The following RGS12 variants were observed in gnomAD, a reference collection of about 807,000 sequenced individuals.
RGS12 encodes regulator of G-protein signaling 12.
Under a neutral mutation model 120.1 loss-of-function variants are expected in RGS12, and 66 were observed. That is an observed-to-expected ratio of 0.55 (90% CI 0.45 to 0.67). The LOEUF (loss-of-function observed/expected upper bound fraction) is 0.67. RGS12 is among the 30% of genes least tolerant of loss of function. RGS12 has a pLI of 0.00. For missense variants in RGS12, 1,859 were observed against 1,957.7 expected (o/e 0.95, Z 0.95); for synonymous variants, 827 against 804.7 (o/e 1.03, Z -0.47).
the RGS12 span, among the ~76,000 whole-genome samples, chr4:3,286,745 C>T: frequency 6.6e-6 from 1 of 152,202 alleles, no homozygotes; most frequent in Non-Finnish European, 1.5e-5. Context: ...AACGTGTTCC[C>T]AGCACTTTGT....
At chr4:3,385,365 C>G (rs1718728751) in intron 3 of RGS12, 1 of 152,500 alleles carries the variant, frequency 6.6e-6, no homozygotes, top group South Asian at 2.1e-4. Flanking sequence ...ACGGGTTTGT[C>G]CAGCCTCTGG....
chr4:3,424,775 G>A (rs1418822296), intron 13 of RGS12, among the ~76,000 whole-genome samples: 1 of 152,182 alleles, frequency 6.6e-6, no homozygotes, highest in Non-Finnish European at 1.5e-5. Flanking sequence ...GAATTCTGTG[G>A]CCCCCTGTGT....
chr4:3,353,334 C>T (rs1010320249), intron 3 of RGS12, among the ~76,000 whole-genome samples: 7 of 152,148 alleles, frequency 4.6e-5, no homozygotes, highest in Admixed American at 6.5e-5. Flanking sequence ...GTGCACACTG[C>T]GTCCTGGGGG....
chr4:3,341,027 C>T lies in RGS12; in HGVS notation c.1882-1910C>T, dbSNP rs1171076653. ...ACTTTCAGGATGACAGCCTTAGAGCCTTCTCTCGGCCTGGTGGGGGCCCAG... is the reference window on the plus strand; with the variant it reads ...ACTTTCAGGATGACAGCCTTAGAGCTTTCTCTCGGCCTGGTGGGGGCCCAG... On this transcript the variant is annotated intron_variant, in intron 2 of 17. Transcript: ENST00000336727. Among the ~76,000 whole-genome samples the T allele has an allele frequency of 1.8e-4, 28 of 151,578 alleles. 1 individual carries two copies. The highest frequency in any genetic ancestry group is 4.4e-5 in the Non-Finnish European group (3 of 67,938).
intron 4 of RGS12, among the ~76,000 whole-genome samples, chr4:3,396,960 A>G (rs1236193862): frequency 2.0e-5 from 3 of 151,632 alleles, no homozygotes; most frequent in Admixed American, 2.0e-4. Context: ...GATCTTCAAT[A>G]TGTAGTTACT....
At chr4:3,308,033 G>A (rs902713156) in intron 1 of RGS12, among the ~76,000 whole-genome samples, 6 of 152,372 alleles carry the variant, frequency 3.9e-5, no homozygotes, top group Admixed American at 6.5e-5. Flanking sequence ...GTGTTTGTGC[G>A]ATTCTTGGAG....
rs112554141 is a variant in RGS12 at position 3,365,563 on chromosome 4, C to T, written c.1999-20853C>T. 8.2e-3 allele frequency among the ~76,000 whole-genome samples: 1,254 copies of T among 152,278 alleles called. 12 individuals are homozygous for T. Among genetic ancestry groups the T allele is most frequent in the Non-Finnish European group, 0.014 (949 of 68,016 alleles). On this transcript the variant is annotated intron_variant, in intron 3 of 17. Transcript: ENST00000336727. This position sits in a 1 kb window ranked among gnomAD's most constrained non-coding sequence, Gnocchi z 4.0. ...GTCCGACCTAAGCCTTAGTGTGAGTCGGACACGGCCTTCTTGGCTGTTGGG... is the reference window on the plus strand; with the variant it reads ...GTCCGACCTAAGCCTTAGTGTGAGTTGGACACGGCCTTCTTGGCTGTTGGG...
intron 3 of RGS12, among the ~76,000 whole-genome samples, chr4:3,363,979 A>G (rs1045433658): frequency 6.6e-6 from 1 of 152,192 alleles, no homozygotes; most frequent in East Asian, 1.9e-4. Flanking sequence ...GAGGCCGGGC[A>G]CTGGGAGTCT....
chr4:3,399,551 C>G (rs1389747319), intron 4 of RGS12, among the ~76,000 whole-genome samples: 1 of 152,194 alleles, frequency 6.6e-6, no homozygotes, highest in Non-Finnish European at 1.5e-5. Context: ...CACTATAGGA[C>G]AATTCCATTA....
chr4:3,380,204 C>T (rs536429936), intron 3 of RGS12, among the ~76,000 whole-genome samples: 23 of 152,370 alleles, frequency 1.5e-4, no homozygotes, highest in African/African-American at 5.1e-4. Context: ...CCAAAATGAT[C>T]TCCTTTGACT....
chr4:3,320,515 A>G (rs1560660609), intron 2 of RGS12, among the ~76,000 whole-genome samples: 1 of 152,230 alleles, frequency 6.6e-6, no homozygotes, highest in African/African-American at 2.4e-5. Flanking sequence ...TGACTTGCTC[A>G]CAGTCACAGG....
rs749110968 is a variant in RGS12 at position 3,417,076 on chromosome 4, T to C, written c.2591T>C (p.Val864Ala). 1.9e-6 allele frequency: 3 copies of C among 1,602,212 alleles called. No individual in the cohort carries two copies. The highest frequency in any genetic ancestry group is 3.4e-5 in the Admixed American group (2 of 59,340). The change falls in exon 8 of 18, where the codon GTG (valine) becomes GCG (alanine). Residue 864 changes from valine to alanine, a missense_variant. Around this residue, in one of 3 missense-constraint regions of RGS12, gnomAD observed 375 missense variants for 475.0 expected, o/e 0.79. Transcript: ENST00000336727. ...AGCCTCGGTTCAGACCACTCCAGTG[T>C]GTCCACGCCAAAAAAGGTGACCTCC... ...KHSLGSDHSS[V>A]STPKKLSGKS...
At chr4:3,377,822 T>C (rs1209321267) in intron 3 of RGS12, among the ~76,000 whole-genome samples, 2 of 152,254 alleles carry the variant, frequency 1.3e-5, no homozygotes, top group African/African-American at 2.4e-5. Flanking sequence ...TTGTGTGGAC[T>C]TAAGTTACAT....
At position 3,422,612 on chromosome 4, in the gene RGS12, A is replaced by AC. The variant is rs540954678; in HGVS notation, c.3033+44dup. 5.0e-4 allele frequency: 782 copies of AC among 1,575,468 alleles called. 15 individuals are homozygous for AC. The South Asian group carries it at 8.4e-3, about 17-fold the overall frequency. On this transcript the variant is annotated intron_variant, in intron 11 of 17. Transcript: ENST00000336727. ...ACCCTCGTGCTGCCCTCAGGCCATG[A>AC]CCTCCCCGCTCCCTGGCCCCCAGCT...
rs1719351118 is a variant in RGS12 at position 3,390,310 on chromosome 4, C to A, written c.2020+3873C>A. ...TTCATCTGTGTTGGTGCTTTTGTCC[C>A]CCCAGCTGGTGTGACCTCCACGTGG... is the stretch of plus-strand genomic sequence containing the variant. On this transcript the variant is annotated intron_variant, in intron 4 of 17. Coordinates refer to ENST00000336727, the MANE Select transcript of RGS12 (RefSeq NM_001394154.1). The surrounding 1 kb of genome is among the most constrained non-coding windows in gnomAD (Gnocchi z 4.6). 6.6e-6 allele frequency among the ~76,000 whole-genome samples: 1 copy of A among 152,188 alleles called. No homozygotes were observed. The highest frequency in any genetic ancestry group is 1.5e-5 in the Non-Finnish European group (1 of 68,032).
chr4:3,420,725 C>A lies in RGS12; in HGVS notation c.2838+7C>A. On this transcript the variant is annotated splice_region_variant and intron_variant, in intron 10 of 17. Transcript: ENST00000336727. ...TGCGGGGAGCCTGGACCTGGTGAGT[C>A]ACTGTCTCCCCTCGTCCCACAGGCC... The A allele has an allele frequency of 6.2e-7, 1 of 1,610,540 alleles. No homozygotes were observed. The highest frequency in any genetic ancestry group is 1.1e-5 in the South Asian group (1 of 91,030).
intron 2 of RGS12, among the ~76,000 whole-genome samples, chr4:3,319,389 AT>A (rs879470136): frequency 0.025 from 3,824 of 150,290 alleles, 90 homozygotes; most frequent in African/African-American, 0.061. Context: ...TAAGCATAGA[AT>A]TTTTTTTTTT....
chr4:3,434,779 C>T (rs1245332416), intron 17 of RGS12, among the ~76,000 whole-genome samples: 3 of 152,234 alleles, frequency 2.0e-5, no homozygotes, highest in Non-Finnish European at 2.9e-5. Context: ...CAATTGCTTT[C>T]TTAACCAGAT....
chr4:3,327,097 G>T (rs1339008346), intron 2 of RGS12, among the ~76,000 whole-genome samples: 1 of 152,158 alleles, frequency 6.6e-6, no homozygotes, highest in Non-Finnish European at 1.5e-5. Flanking sequence ...CATGTTACTG[G>T]TATAAAACTA....
Sources: allele counts gnomAD v4.1 joint callset (sites outside exome capture counted in the v4.1 genomes callset), GRCh38; gene constraint gnomAD v4.1.1; regional missense constraint gnomAD v4.1.1; non-coding constraint Gnocchi (gnomAD v3.1); transcripts MANE v1.5; gene names NCBI Gene and HGNC (gene_info 2026-07-23, HGNC 2026-07-21).